Variants in ZNF560 observed in about 807,000 individuals in gnomAD.
ZNF560 encodes the protein zinc finger protein 560.
ZNF560 carries 54 observed loss-of-function variants against 81.8 expected under a neutral mutation model. The observed-to-expected ratio is 0.66, with a 90% confidence interval of 0.53 to 0.83. ZNF560 has a LOEUF of 0.83. Ranked by LOEUF, ZNF560 falls within the 40% of genes least tolerant of loss-of-function variation. The pLI, the probability that ZNF560 is intolerant of heterozygous loss-of-function variation, is 0.00. For synonymous variants in ZNF560, 321 were observed against 317.9 expected (o/e 1.01, Z -0.10); for missense variants, 940 against 932.4 (o/e 1.01, Z -0.11).
chr19:9,466,754 C>T lies in ZNF560; in HGVS notation c.2193G>A (p.Val731=). ...AGGGCTTCTCTCCAGTGTGAATTCG[C>T]ACATGATTAGTAAGATCTGAATGAC... ...FTCHSDLTNH[V]RIHTGEKPYK... The change falls in exon 10 of 10, where the codon GTG becomes GTA. Residue 731 remains valine (V), a synonymous_variant. Coordinates refer to ENST00000301480, the MANE Select transcript of ZNF560 (RefSeq NM_152476.3). 6.2e-7 allele frequency: 1 copy of T among 1,613,800 alleles called. No homozygotes were observed. Among genetic ancestry groups the T allele is most frequent in the Non-Finnish European group, 8.5e-7 (1 of 1,179,922 alleles).
the ZNF560 span, among the ~76,000 whole-genome samples, chr19:9,455,210 G>C: frequency 6.6e-6 from 1 of 152,140 alleles, no homozygotes; most frequent in South Asian, 2.1e-4. Flanking sequence ...TTAAATTACT[G>C]AATGAGTTTA....
At chr19:9,494,924 AAAACAAAC>A (rs199583033) in intron 2 of ZNF560, among the ~76,000 whole-genome samples, 4 of 151,798 alleles carry the variant, frequency 2.6e-5, no homozygotes, top group African/African-American at 7.3e-5. Flanking sequence ...ACAAACAAAC[AAAACAAAC>A]AAACAAACAA....
chr19:9,478,905 C>A (rs886437751), intron 2 of ZNF560, among the ~76,000 whole-genome samples: 2 of 152,068 alleles, frequency 1.3e-5, no homozygotes, highest in African/African-American at 2.4e-5. Flanking sequence ...TGCCTCATGC[C>A]ACTAATCCCT....
chr19:9,451,914 A>C, the ZNF560 span, among the ~76,000 whole-genome samples: 1 of 152,116 alleles, frequency 6.6e-6, no homozygotes, highest in Non-Finnish European at 1.5e-5. Flanking sequence ...CATCTCTACC[A>C]AAAATACAAA....
intron 2 of ZNF560, among the ~76,000 whole-genome samples, chr19:9,483,673 G>T (rs2073337937): frequency 6.6e-6 from 1 of 150,804 alleles, no homozygotes; most frequent in Admixed American, 6.6e-5. Flanking sequence ...AGGGAGGGAG[G>T]TGGGGGGCGC....
chr19:9,494,152 AATT>A (rs2073518644), intron 2 of ZNF560, among the ~76,000 whole-genome samples: 1 of 151,718 alleles, frequency 6.6e-6, no homozygotes, highest in Admixed American at 6.6e-5. Context: ...AAAAAAAAGA[AATT>A]AATATGGCCT....
intron 2 of ZNF560, among the ~76,000 whole-genome samples, chr19:9,493,721 T>C (rs1335341794): frequency 1.3e-5 from 2 of 152,132 alleles, no homozygotes; most frequent in Non-Finnish European, 2.9e-5. Context: ...CATAAACCAA[T>C]CATTCACTTC....
chr19:9,474,503 C>T (rs1358980772), intron 3 of ZNF560, among the ~76,000 whole-genome samples, 178 bp from the exon 4 acceptor site: 1 of 152,184 alleles, frequency 6.6e-6, no homozygotes, highest in African/African-American at 2.4e-5. Flanking sequence ...TGCTCTTTCA[C>T]TACTTAACAA....
At chr19:9,494,107 G>A (rs1333148975) in intron 2 of ZNF560, among the ~76,000 whole-genome samples, 1 of 149,816 alleles carries the variant, frequency 6.7e-6, no homozygotes, top group Non-Finnish European at 1.5e-5. Context: ...TCCCAGCCTG[G>A]GCGAAAGAGT....
At chr19:9,490,886 T>C (rs1234963856) in intron 2 of ZNF560, among the ~76,000 whole-genome samples, 2 of 152,198 alleles carry the variant, frequency 1.3e-5, no homozygotes, top group Admixed American at 1.3e-4. Context: ...CACATCGACT[T>C]TGGAGAATTA....
chr19:9,465,763 C>T (rs774885281), downstream of ZNF560, among the ~76,000 whole-genome samples: 18 of 152,124 alleles, frequency 1.2e-4, no homozygotes, highest in African/African-American at 2.9e-4. Flanking sequence ...GAGGCCAAGG[C>T]GGGCAGATTA....
Position 9,467,186 on chromosome 19 carries a change from A to G in ZNF560, c.1761T>C (p.Leu587=). Residue 587 remains leucine, a synonymous_variant, in exon 10 of 10, where the codon CTT becomes CTC. Transcript: ENST00000301480. Reference sequence around the variant, plus strand: ...CACTGTGTCTTCGTAAATGTTTAGTAAGGTATGAGCGCTCAGTGAAGGCTT... The same window carrying G: ...CACTGTGTCTTCGTAAATGTTTAGTGAGGTATGAGCGCTCAGTGAAGGCTT... ...CGKAFTERSY[L]TKHLRRHSGE... The G allele has an allele frequency of 2.5e-6, 4 of 1,614,118 alleles. No homozygotes were observed. Among genetic ancestry groups the G allele is most frequent in the Non-Finnish European group, 3.4e-6 (4 of 1,180,026 alleles).
chr19:9,462,144 G>A (rs1227072029), downstream of ZNF560, among the ~76,000 whole-genome samples: 1 of 152,156 alleles, frequency 6.6e-6, no homozygotes, highest in African/African-American at 2.4e-5. Context: ...CCCAAGCCTG[G>A]CCATAAACAA....
At chr19:9,496,514 G>A (rs943637844) in intron 2 of ZNF560, among the ~76,000 whole-genome samples, 2 of 137,258 alleles carry the variant, frequency 1.5e-5, no homozygotes, top group Admixed American at 8.1e-5. Context: ...GTGAGACACC[G>A]CACCAGGCCT....
At chr19:9,484,627 CAAAAA>C (rs60283585) in intron 2 of ZNF560, among the ~76,000 whole-genome samples, 24 of 79,730 alleles carry the variant, frequency 3.0e-4, no homozygotes, top group African/African-American at 8.0e-4. Context: ...ACCGAAAATA[CAAAAA>C]AAAAAAAAAA....
Position 9,469,194 on chromosome 19 carries a change from T to C in ZNF560, c.530-7A>G. ...TTCAGGCACATTTTCCATTCTGAAA[T>C]AAAAGAGAAAAATATACATGAGAGT... On this transcript the variant is annotated splice_region_variant and splice_polypyrimidine_tract_variant and intron_variant, in intron 8 of 9. Transcript: ENST00000301480. The C allele has an allele frequency of 1.9e-6, 3 of 1,574,870 alleles. No individual in the cohort carries two copies. The highest frequency in any genetic ancestry group is 2.6e-6 in the Non-Finnish European group (3 of 1,163,504).
In ZNF560 at chr19:9,467,279, G is replaced by C; in HGVS notation, c.1668C>G (p.Cys556Trp). The change falls in exon 10 of 10, where the codon TGC becomes TGG. Residue 556 changes from cysteine to tryptophan, a missense_variant. By Grantham distance (215) the Cys-to-Trp change is radical (BLOSUM62 -2). Coordinates refer to ENST00000301480, the MANE Select transcript of ZNF560 (RefSeq NM_152476.3). ...TTCGTAAATGTTTGGTAAGATATGA[G>C]CACTTAGTGAAAGCTTTACCACATT... ...CKKCGKAFTK[C>W]SYLTKHLRTH... The C allele has an allele frequency of 6.2e-7, 1 of 1,614,058 alleles. No homozygotes were observed. The highest frequency in any genetic ancestry group is 8.5e-7 in the Non-Finnish European group (1 of 1,179,974).
the ZNF560 span, among the ~76,000 whole-genome samples, chr19:9,450,818 C>T: frequency 1.3e-5 from 2 of 152,168 alleles, no homozygotes; most frequent in Non-Finnish European, 2.9e-5. Flanking sequence ...GCATGAGCCA[C>T]CACACCAAAT....
At chr19:9,457,450 A>G in the ZNF560 span, among the ~76,000 whole-genome samples, 1 of 152,254 alleles carries the variant, frequency 6.6e-6, no homozygotes. Context: ...GGCATGTTAA[A>G]CAGTCCAACA....
Sources: gnomAD v4.1 joint callset for allele counts (sites outside exome capture counted in the v4.1 genomes callset) on GRCh38, gnomAD v4.1.1 for gene constraint, MANE v1.5 for transcripts, NCBI Gene and HGNC (gene_info 2026-07-23, HGNC 2026-07-21) for gene names.